The following NRG3 variants were observed in gnomAD, a reference collection of about 807,000 sequenced individuals.
The protein encoded by NRG3 is neuregulin 3.
NRG3 carries 31 observed loss-of-function variants against 66.9 expected under a neutral mutation model. That is an observed-to-expected ratio of 0.46 (90% confidence interval 0.35 to 0.63). NRG3 has a LOEUF of 0.63. NRG3 is among the 20% of genes least tolerant of loss of function. NRG3 has a pLI of 0.00. For missense variants in NRG3, 910 were observed against 878.9 expected, an observed-to-expected ratio of 1.04 and a Z score of -0.45; for synonymous variants, 393 against 359.4, an observed-to-expected ratio of 1.09 and a Z score of -1.06.
Position 82,553,436 on chromosome 10 carries a change from A to C in NRG3, c.954-185141A>C, listed in dbSNP as rs1457906853. Among the ~76,000 whole-genome samples, 3 of 152,230 alleles carry C rather than the reference A, an allele frequency of 2.0e-5. No individual in the cohort carries two copies. The East Asian group carries it at 5.8e-4, about 29-fold the overall frequency. ...TCATATCCATCTTTCTTTGGAGTCT[A>C]CAGTGCATCCATGATCATTGTGTAC... is the stretch of plus-strand genomic sequence containing the variant. On this transcript the variant is annotated intron_variant, in intron 2 of 8. Transcript: ENST00000372141.
chr10:82,521,991 G>A (rs906968638), intron 2 of NRG3, among the ~76,000 whole-genome samples: 2 of 146,012 alleles, frequency 1.4e-5, no homozygotes, highest in Non-Finnish European at 3.0e-5. Context: ...CCTAACTCTA[G>A]TTTTGTTGCA....
chr10:82,667,124 C>T (rs2052854997), intron 2 of NRG3, among the ~76,000 whole-genome samples: 1 of 152,144 alleles, frequency 6.6e-6, no homozygotes, highest in African/African-American at 2.4e-5. Flanking sequence ...AACACTGACA[C>T]AAAAATGAGG....
intron 3 of NRG3, among the ~76,000 whole-genome samples, chr10:82,823,415 T>C (rs1161068005): frequency 1.3e-5 from 2 of 152,224 alleles, no homozygotes; most frequent in African/African-American, 2.4e-5. Context: ...AGAAGCATCA[T>C]TCACTCATTT....
intron 1 of NRG3, among the ~76,000 whole-genome samples, chr10:82,238,570 C>G (rs917638279): frequency 6.6e-6 from 1 of 152,056 alleles, no homozygotes; most frequent in African/African-American, 2.4e-5. Flanking sequence ...TCATCCAGTT[C>G]TTTTTCTTTC....
chr10:82,924,738 A>G (rs1846811514), intron 4 of NRG3, among the ~76,000 whole-genome samples: 1 of 152,192 alleles, frequency 6.6e-6, no homozygotes, highest in Admixed American at 6.5e-5. Context: ...GGAAGGTAGG[A>G]GTAAGCTTCA....
chr10:82,978,988 G>A lies in NRG3; in HGVS notation c.1451G>A (p.Gly484Asp), dbSNP rs372414340. 1.2e-6 allele frequency: 2 copies of A among 1,613,938 alleles called. No individual in the cohort carries two copies. The highest frequency in any genetic ancestry group is 1.1e-5 in the South Asian group (1 of 91,072). The change falls in exon 8 of 9, where the codon GGC (glycine) becomes GAC (aspartate). Residue 484 changes from glycine (G) to aspartate (D), a missense_variant. Physicochemically the swap from Gly to Asp is moderately conservative, Grantham distance 94. Coordinates refer to ENST00000372141, the MANE Select transcript of NRG3 (RefSeq NM_001010848.4). Reference protein sequence around the residue: ...SSCCSPGQRSGMLHRNAFRRT... With the variant: ...SSCCSPGQRSDMLHRNAFRRT... ...TGCTGCAGCCCAGGGCAAAGAAGTG[G>A]CATGCTCCATAGGAATGCCTTCAGA...
intron 3 of NRG3, among the ~76,000 whole-genome samples, chr10:82,838,390 T>C (rs2062883065): frequency 6.6e-6 from 1 of 152,210 alleles, no homozygotes; most frequent in Admixed American, 6.5e-5. Flanking sequence ...TGATGACATT[T>C]GAAAATAACA....
At chr10:81,995,750 A>G (rs1218653364) in intron 1 of NRG3, among the ~76,000 whole-genome samples, 2 of 152,218 alleles carry the variant, frequency 1.3e-5, no homozygotes, top group Non-Finnish European at 2.9e-5. Flanking sequence ...CCACTTCTGC[A>G]GGGTTCCTTG....
At chr10:82,318,640 C>T (rs925770952) in intron 1 of NRG3, among the ~76,000 whole-genome samples, 1 of 152,206 alleles carries the variant, frequency 6.6e-6, no homozygotes, top group East Asian at 1.9e-4. Flanking sequence ...AAATGCTGCT[C>T]TCTGGACACA....
At position 82,617,172 on chromosome 10, in the gene NRG3, C is replaced by CACACAT. The variant is rs745498916; in HGVS notation, c.954-121393_954-121388dup. ...ACCACTCACACACACACCACACAGA[C>CACACAT]ACACATACACATACACACACACAAA... On this transcript the variant is annotated intron_variant, in intron 2 of 8. Transcript: ENST00000372141. Among the ~76,000 whole-genome samples, 767 of 150,972 alleles carry CACACAT rather than the reference C, an allele frequency of 5.1e-3. 3 individuals carry two copies. The highest frequency in any genetic ancestry group is 0.01 in the Middle Eastern group (3 of 290).
At chr10:82,518,177 C>T (rs1341050496) in intron 2 of NRG3, among the ~76,000 whole-genome samples, 1 of 152,118 alleles carries the variant, frequency 6.6e-6, no homozygotes, top group Admixed American at 6.6e-5. Context: ...GTGTACCTAG[C>T]ACATAGGAAA....
At chr10:81,890,620 C>T (rs1393062477) in intron 1 of NRG3, among the ~76,000 whole-genome samples, 2 of 152,188 alleles carry the variant, frequency 1.3e-5, no homozygotes, top group Admixed American at 1.3e-4. Flanking sequence ...ACAGTGTATT[C>T]CTACCATTGG....
intron 2 of NRG3, among the ~76,000 whole-genome samples, chr10:82,415,719 T>G (rs943903614): frequency 6.6e-6 from 1 of 152,172 alleles, no homozygotes; most frequent in East Asian, 1.9e-4. Context: ...GTGACAAAGT[T>G]TATTTTGCAG....
chr10:82,844,270 A>G (rs1193074276), intron 3 of NRG3, among the ~76,000 whole-genome samples: 1 of 152,190 alleles, frequency 6.6e-6, no homozygotes, highest in East Asian at 1.9e-4. Flanking sequence ...ATTATGCACA[A>G]TGATGGACTC....
At chr10:82,885,547 T>A (rs1219094368) in intron 4 of NRG3, among the ~76,000 whole-genome samples, 1 of 152,194 alleles carries the variant, frequency 6.6e-6, no homozygotes, top group Non-Finnish European at 1.5e-5. Context: ...TATGTAAAAG[T>A]GAGACTGAAG....
chr10:82,444,223 C>G (rs1427010669), intron 2 of NRG3, among the ~76,000 whole-genome samples: 1 of 152,148 alleles, frequency 6.6e-6, no homozygotes, highest in Non-Finnish European at 1.5e-5. Context: ...CTTTCTCAGC[C>G]TCCTGAGTAG....
chr10:82,000,219 A>C (rs758003482), intron 1 of NRG3, among the ~76,000 whole-genome samples: 1 of 152,230 alleles, frequency 6.6e-6, no homozygotes, highest in Non-Finnish European at 1.5e-5. Context: ...TTTAAGTAGC[A>C]TAGAAAAAGA....
chr10:82,451,428 T>C (rs957215757), intron 2 of NRG3, among the ~76,000 whole-genome samples: 1 of 152,144 alleles, frequency 6.6e-6, no homozygotes, highest in Non-Finnish European at 1.5e-5. Flanking sequence ...GTGACCATGA[T>C]GAATAGGGAG....
At chr10:82,134,986 C>T (rs765175498) in intron 1 of NRG3, among the ~76,000 whole-genome samples, 5 of 151,588 alleles carry the variant, frequency 3.3e-5, no homozygotes, top group Admixed American at 1.3e-4. Context: ...ATTAGCCAGG[C>T]GTGGTGGCAC....
Sources: gnomAD v4.1 joint callset for allele counts (sites outside exome capture counted in the v4.1 genomes callset) on GRCh38, gnomAD v4.1.1 for gene constraint, MANE v1.5 for transcripts, NCBI Gene and HGNC (gene_info 2026-07-23, HGNC 2026-07-21) for gene names.